Variants in CCDC57 observed in about 807,000 individuals in gnomAD.
The protein encoded by CCDC57 is coiled-coil domain containing 57, also known as coiled-coil domain-containing protein 57.
Under a neutral mutation model 118.9 loss-of-function variants are expected in CCDC57, and 118 were observed. That is an observed-to-expected ratio of 0.99 (90% CI 0.86 to 1.16). The LOEUF is 1.16. CCDC57 is among the 50% of genes most tolerant of loss of function. CCDC57 has a pLI of 0.00. For synonymous variants in CCDC57, 527 were observed against 532.9 expected (o/e 0.99, Z 0.15); for missense variants, 1,300 against 1,320.7 (o/e 0.98, Z 0.24).
chr17:82,122,744 C>T (rs1018260929), intron 19 of CCDC57, among the ~76,000 whole-genome samples: 20 of 152,222 alleles, frequency 1.3e-4, no homozygotes, highest in African/African-American at 4.8e-4. Flanking sequence ...CAGCCCTGCA[C>T]ACGGGCACCG....
rs1050955771 is a variant in CCDC57 at position 82,201,540 on chromosome 17, G to GT, written c.404dup (p.His135GlnfsTer3). On this transcript the variant is annotated frameshift_variant, in exon 3 of 20. Coordinates refer to ENST00000665763, the Ensembl canonical transcript of CCDC57. LOFTEE classifies it high-confidence loss of function. Reference sequence around the variant, plus strand: ...GGGCGCGTCGGTCGGTGGCTCACCTGTGGACGCGCTCCAGCTCCAGGCGAT... The same window carrying GT: ...GGGCGCGTCGGTCGGTGGCTCACCTGTTGGACGCGCTCCAGCTCCAGGCGAT... 1.9e-6 allele frequency: 3 copies of GT among 1,599,828 alleles called. No individual in the cohort carries two copies. The African/African-American group carries it at 4.0e-5, about 21-fold the overall frequency.
intron 11 of CCDC57, among the ~76,000 whole-genome samples, chr17:82,175,909 C>T (rs1194571749): frequency 6.6e-6 from 1 of 152,210 alleles, no homozygotes; most frequent in Non-Finnish European, 1.5e-5. Flanking sequence ...AACTTTATGG[C>T]TCAAACCAAC....
intron 19 of CCDC57, among the ~76,000 whole-genome samples, chr17:82,117,841 C>G (rs1383087225): frequency 6.6e-6 from 1 of 152,102 alleles, no homozygotes; most frequent in East Asian, 1.9e-4. Flanking sequence ...GGCCAACGTC[C>G]TGGGGGCAAT....
intron 4 of CCDC57, among the ~76,000 whole-genome samples, chr17:82,196,323 CG>C (rs2048295866): frequency 6.6e-6 from 1 of 152,236 alleles, no homozygotes; most frequent in Non-Finnish European, 1.5e-5. Context: ...TAAAGAACTC[CG>C]GCTGTTCTCA....
intron 16 of CCDC57, among the ~76,000 whole-genome samples, chr17:82,140,326 T>C (rs1320532491): frequency 6.6e-6 from 1 of 152,192 alleles, no homozygotes; most frequent in Non-Finnish European, 1.5e-5. Flanking sequence ...GACCTCATGA[T>C]CTGCCTGCCT....
intron 7 of CCDC57, among the ~76,000 whole-genome samples, chr17:82,189,724 A>G (rs367821547): frequency 1.7e-3 from 257 of 152,038 alleles, no homozygotes; most frequent in African/African-American, 6.0e-3. Flanking sequence ...ATGGTAGCAC[A>G]TCCCTGTGAT....
rs8067398 is a variant in CCDC57 at position 82,200,749 on chromosome 17, C to T, written c.407+789G>A. Reference sequence around the variant, plus strand: ...TGGAGGTTGCAGCGAGCCGAGATCACGCTACTGCGATCCAGCCTGGACAAC... The same window carrying T: ...TGGAGGTTGCAGCGAGCCGAGATCATGCTACTGCGATCCAGCCTGGACAAC... On this transcript the variant is annotated intron_variant, in intron 3 of 19. Transcript: ENST00000665763. Among the ~76,000 whole-genome samples the T allele has an allele frequency of 7.2e-3, 1,097 of 152,076 alleles. 10 individuals are homozygous for T. Among genetic ancestry groups the T allele is most frequent in the African/African-American group, 0.026 (1,069 of 41,432 alleles).
chr17:82,157,627 C>T (rs375396474), intron 15 of CCDC57, 121 bp downstream of exon 14: 1 of 1,456,222 alleles, frequency 6.9e-7, no homozygotes, highest in Non-Finnish European at 9.1e-7. Flanking sequence ...GCCTTCACTG[C>T]AGCCCTCGTC....
intron 13 of CCDC57, 86 bp downstream of exon 12, chr17:82,171,615 G>A (rs1175138135): frequency 4.9e-6 from 7 of 1,437,324 alleles, no homozygotes; most frequent in African/African-American, 2.8e-5. Flanking sequence ...GCCTTGAGCT[G>A]TATATTTGCT....
intron 19 of CCDC57, chr17:82,112,349 C>T (rs2035329921): frequency 6.6e-6 from 1 of 152,284 alleles, no homozygotes; most frequent in African/African-American, 2.4e-5. Flanking sequence ...GCCCTGTTCC[C>T]ACGGTGTGGC....
chr17:82,189,095 C>T (rs2047333038), intron 7 of CCDC57, among the ~76,000 whole-genome samples: 1 of 152,070 alleles, frequency 6.6e-6, no homozygotes, highest in Admixed American at 6.5e-5. Context: ...TATGGCAAAA[C>T]ACCCTCTACA....
intron 14 of CCDC57, among the ~76,000 whole-genome samples, chr17:82,158,687 CAAAA>C (rs373874358): frequency 1.2e-4 from 13 of 110,772 alleles, no homozygotes; most frequent in Non-Finnish European, 1.4e-4. Context: ...GACTCCATTT[CAAAA>C]AAAAAAAAAA....
chr17:82,174,284 G>A (rs914103020), intron 11 of CCDC57, among the ~76,000 whole-genome samples: 3 of 152,254 alleles, frequency 2.0e-5, no homozygotes, highest in South Asian at 2.1e-4. Context: ...AGCTTCACAC[G>A]CTGCGCTCAG....
rs1304708610 is a variant in CCDC57 at position 82,193,694 on chromosome 17, C to T, written c.851+62G>A. On this transcript the variant is annotated intron_variant, in intron 7 of 19. Coordinates refer to ENST00000665763, the Ensembl canonical transcript of CCDC57. ...CCCTGGGCCATCAGCACAATGGTTC[C>T]ACTTCCCTCCTCTCCTGGGGCCACT... is the stretch of plus-strand genomic sequence containing the variant. 2.7e-6 allele frequency: 4 copies of T among 1,460,306 alleles called. No homozygotes were observed. In the East Asian group the frequency reaches 9.7e-5, roughly 35 times the overall value. The allele number at this position is 1,460,306 out of a possible 1,614,324, so 90.5% of individuals were successfully genotyped here. A position where few individuals can be genotyped will look rare whatever the true frequency, so the allele number is the denominator to read the frequency against.
rs532024831 is a variant in CCDC57, at chr17:82,101,612, G to A, written c.*70C>T. ...CTGTGCCCACACCCCCCCACAACACGTAGGTGAAAGCACAGGCACCATGCG... is the reference window on the plus strand; with the variant it reads ...CTGTGCCCACACCCCCCCACAACACATAGGTGAAAGCACAGGCACCATGCG... On this transcript the variant is annotated 3_prime_UTR_variant, in exon 20 of 20. Coordinates refer to ENST00000665763, the Ensembl canonical transcript of CCDC57. 1.8e-5 allele frequency: 23 copies of A among 1,295,346 alleles called. No individual in the cohort carries two copies. The East Asian group carries it at 3.1e-4, about 17-fold the overall frequency. 80.2% of individuals were successfully genotyped at this position (1,295,346 alleles called of 1,614,324 possible).
Position 82,118,116 on chromosome 17 carries a change from A to G in CCDC57, c.2899+9576T>C, listed in dbSNP as rs1036743820. 2.0e-5 allele frequency among the ~76,000 whole-genome samples: 3 copies of G among 152,208 alleles called. No homozygotes were observed. Among genetic ancestry groups the G allele is most frequent in the Admixed American group, 2.0e-4 (3 of 15,270 alleles). On this transcript the variant is annotated intron_variant, in intron 19 of 19. Transcript: ENST00000665763. The surrounding 1 kb of genome is among the most constrained non-coding windows in gnomAD (Gnocchi z 4.7). ...CATAAAAAATACTGCAGACATAAATAAAAAAGCAAGCTGCCCCCACGATAT... is the reference window on the plus strand; with the variant it reads ...CATAAAAAATACTGCAGACATAAATGAAAAAGCAAGCTGCCCCCACGATAT...
Position 82,133,098 on chromosome 17 carries a change from C to T in CCDC57, c.2577+975G>A, listed in dbSNP as rs189114117. On this transcript the variant is annotated intron_variant, in intron 17 of 19. Transcript: ENST00000665763. ...TAAAGATACAAGTTGTGGCTGGGTG[C>T]ACTGACTCATGCCCATAATCCCAGT... is the stretch of plus-strand genomic sequence containing the variant. 3.0e-3 allele frequency among the ~76,000 whole-genome samples: 449 copies of T among 152,138 alleles called. 2 individuals carry two copies. The highest frequency in any genetic ancestry group is 0.011 in the African/African-American group (439 of 41,482).
At chr17:82,153,810 G>A (rs890996716) in intron 15 of CCDC57, 2 of 152,316 alleles carry the variant, frequency 1.3e-5, no homozygotes, top group African/African-American at 4.8e-5. Context: ...CCCCACAGGT[G>A]AGGAGGAGAT....
intron 19 of CCDC57, chr17:82,127,072 C>T: frequency 1.0e-6 from 1 of 985,454 alleles, no homozygotes; most frequent in Non-Finnish European, 1.2e-6. Flanking sequence ...ACAGACTTTT[C>T]TGAAAACTTC....
Sources: allele counts gnomAD v4.1 joint callset (sites outside exome capture counted in the v4.1 genomes callset), GRCh38; gene constraint gnomAD v4.1.1; non-coding constraint Gnocchi (gnomAD v3.1); transcripts MANE v1.5; gene names NCBI Gene and HGNC (gene_info 2026-07-23, HGNC 2026-07-21).